Variants in ANXA8 observed in about 807,000 individuals in gnomAD.
ANXA8 encodes VAC-beta.
Under a neutral mutation model 26.8 loss-of-function variants are expected in ANXA8, and 9 were observed. The ratio of observed to expected loss-of-function variants is 0.34; its 90% confidence interval spans 0.20 to 0.59. ANXA8 has a LOEUF of 0.59. Among genes scored for constraint, ANXA8 ranks in the 20% least tolerant of loss-of-function variants. ANXA8 has a pLI of 0.84. For synonymous variants in ANXA8, 39 were observed against 94.8 expected (o/e 0.41, Z 3.42); for missense variants, 83 against 238.5 (o/e 0.35, Z 4.29).
At chr10:47,685,712 A>AAG in the ANXA8 span, among the ~76,000 whole-genome samples, 1 of 149,582 alleles carries the variant, frequency 6.7e-6, no homozygotes, top group Non-Finnish European at 1.5e-5. Flanking sequence ...CCCAAGGAGG[A>AAG]AGAGAGAGAG....
chr10:47,669,734 C>T, the ANXA8 span, among the ~76,000 whole-genome samples: 8 of 151,664 alleles, frequency 5.3e-5, no homozygotes, highest in Admixed American at 1.3e-4. Flanking sequence ...AACAAAAAAA[C>T]CCCAAAAACC....
chr10:47,485,897 A>G (rs1840033862), upstream of ANXA8, among the ~76,000 whole-genome samples: 3 of 151,882 alleles, frequency 2.0e-5, no homozygotes, highest in Non-Finnish European at 4.4e-5. Flanking sequence ...TCATGAGGTC[A>G]GGAGATCGAG....
At chr10:47,953,106 T>G in the ANXA8 span, among the ~76,000 whole-genome samples, 1 of 150,518 alleles carries the variant, frequency 6.6e-6, no homozygotes, top group African/African-American at 2.5e-5. Context: ...AATTGATAAA[T>G]GGGCCTTATT....
chr10:47,559,600 C>A, the ANXA8 span, among the ~76,000 whole-genome samples: 2 of 151,736 alleles, frequency 1.3e-5, no homozygotes, highest in South Asian at 4.2e-4. Context: ...CAAGTATTGC[C>A]GCAGAGTATT....
chr10:47,941,282 A>G, the ANXA8 span, among the ~76,000 whole-genome samples: 2 of 146,156 alleles, frequency 1.4e-5, no homozygotes, highest in East Asian at 2.1e-4. Context: ...AGTACCTAGA[A>G]CCACCTGTTT....
chr10:47,748,599 C>A, the ANXA8 span, among the ~76,000 whole-genome samples: 1 of 152,180 alleles, frequency 6.6e-6, no homozygotes, highest in Non-Finnish European at 1.5e-5. Flanking sequence ...GGACACATTT[C>A]TTCTTTTCTT....
At chr10:47,576,944 C>G in the ANXA8 span, among the ~76,000 whole-genome samples, 105 of 148,296 alleles carry the variant, frequency 7.1e-4, 3 homozygotes, top group African/African-American at 2.5e-3. Flanking sequence ...CACACTGACA[C>G]ACATTATAAT....
the ANXA8 span, among the ~76,000 whole-genome samples, chr10:47,702,343 C>CTTT: frequency 1.4e-5 from 2 of 140,142 alleles, no homozygotes; most frequent in African/African-American, 2.6e-5. Context: ...CTTTTCTTTT[C>CTTT]TTTTTTTTTT....
the ANXA8 span, among the ~76,000 whole-genome samples, chr10:47,659,103 C>T: frequency 2.0e-5 from 3 of 151,976 alleles, no homozygotes; most frequent in South Asian, 2.1e-4. Flanking sequence ...GATCTCCTGA[C>T]CTCGTGATCT....
chr10:47,973,890 G>A, the ANXA8 span, among the ~76,000 whole-genome samples: 2 of 151,058 alleles, frequency 1.3e-5, no homozygotes, highest in African/African-American at 4.8e-5. Flanking sequence ...AATCCATCTA[G>A]TCCAGGGCTT....
chr10:47,970,658 T>A, the ANXA8 span, among the ~76,000 whole-genome samples: 23 of 151,512 alleles, frequency 1.5e-4, no homozygotes, highest in South Asian at 4.6e-3. Context: ...AGTGTTCACA[T>A]CTTATTACAT....
the ANXA8 span, among the ~76,000 whole-genome samples, chr10:47,701,670 A>C: frequency 6.6e-6 from 1 of 151,808 alleles, no homozygotes; most frequent in South Asian, 2.1e-4. Context: ...ACCTCTGTTT[A>C]TTTGTGGAAA....
the ANXA8 span, among the ~76,000 whole-genome samples, chr10:47,703,687 T>C: frequency 6.6e-6 from 1 of 151,448 alleles, no homozygotes; most frequent in African/African-American, 2.4e-5. Flanking sequence ...TAGGTGAAAG[T>C]CTGAGGAGAG....
At chr10:47,488,929 G>A (rs1457416067), upstream of ANXA8, among the ~76,000 whole-genome samples, 6 of 146,898 alleles carry the variant, frequency 4.1e-5, no homozygotes, top group African/African-American at 5.0e-5. Flanking sequence ...CGGTTTCACC[G>A]TGGTCTGGAT....
At chr10:47,665,602 A>G in the ANXA8 span, among the ~76,000 whole-genome samples, 1 of 149,692 alleles carries the variant, frequency 6.7e-6, no homozygotes, top group African/African-American at 2.6e-5. Context: ...CAGAATACAA[A>G]GATGAAGAGA....
At chr10:47,571,553 A>G in the ANXA8 span, among the ~76,000 whole-genome samples, 1 of 149,394 alleles carries the variant, frequency 6.7e-6, no homozygotes, top group East Asian at 2.0e-4. Flanking sequence ...ATCAGCTTGT[A>G]AATTTCTACA....
chr10:47,660,251 T>C, the ANXA8 span, among the ~76,000 whole-genome samples: 1 of 147,756 alleles, frequency 6.8e-6, no homozygotes, highest in Non-Finnish European at 1.5e-5. Flanking sequence ...ATATAATTCA[T>C]GGCTTTTGAG....
chr10:47,981,939 G>A, the ANXA8 span, among the ~76,000 whole-genome samples: 1 of 152,028 alleles, frequency 6.6e-6, no homozygotes, highest in African/African-American at 2.4e-5. Flanking sequence ...AGATGCAAGA[G>A]ACCCAGAATA....
the ANXA8 span, among the ~76,000 whole-genome samples, chr10:47,652,447 AT>A: frequency 6.6e-6 from 1 of 151,380 alleles, no homozygotes. Context: ...AAAAACAAAA[AT>A]TGGCTGGGCG....
Sources: allele counts gnomAD v4.1 joint callset (sites outside exome capture counted in the v4.1 genomes callset), GRCh38; gene constraint gnomAD v4.1.1; transcripts MANE v1.5; gene names NCBI Gene and HGNC (gene_info 2026-07-23, HGNC 2026-07-21).